PIK3C2G: variants seen among roughly 807,000 people sequenced by gnomAD.
PIK3C2G encodes the protein phosphatidylinositol-4-phosphate 3-kinase catalytic subunit type 2 gamma, also known as phosphatidylinositol 3-kinase C2 domain-containing subunit gamma.
Under a neutral mutation model 181.1 loss-of-function variants are expected in PIK3C2G, and 168 were observed. The ratio of observed to expected loss-of-function variants is 0.93; its 90% CI spans 0.82 to 1.05. The LOEUF (loss-of-function observed/expected upper bound fraction) is 1.05, where lower values mean the gene tolerates loss of function less well. Ranked by LOEUF, PIK3C2G falls within the 50% of genes least tolerant of loss-of-function variation. The pLI is 0.00. For missense variants in PIK3C2G, 1,869 were observed against 1,732.8 expected (o/e 1.08, Z -1.40); for synonymous variants, 573 against 592.2 (o/e 0.97, Z 0.47).
At chr12:18,699,241 G>C in the PIK3C2G span, among the ~76,000 whole-genome samples, 1 of 152,122 alleles carries the variant, frequency 6.6e-6, no homozygotes, top group Non-Finnish European at 1.5e-5. Flanking sequence ...CATAGGCATA[G>C]AGCCTCCAAG....
chr12:18,719,034 A>G, the PIK3C2G span, among the ~76,000 whole-genome samples: 2 of 152,184 alleles, frequency 1.3e-5, no homozygotes, highest in African/African-American at 4.8e-5. Context: ...GGCTTTAGTT[A>G]TAGTATGTGT....
chr12:18,706,474 G>T, the PIK3C2G span, among the ~76,000 whole-genome samples: 1 of 152,264 alleles, frequency 6.6e-6, no homozygotes, highest in African/African-American at 2.4e-5. Context: ...AAAACTCATT[G>T]TTTTAGAATT....
chr12:18,651,435 T>G (rs1408144990), downstream of PIK3C2G, among the ~76,000 whole-genome samples: 1 of 152,206 alleles, frequency 6.6e-6, no homozygotes, highest in Non-Finnish European at 1.5e-5. Context: ...TATAATTTAC[T>G]TATGTATTTT....
At chr12:18,436,830 G>T (rs1020229682) in intron 18 of PIK3C2G, among the ~76,000 whole-genome samples, 4 of 151,980 alleles carry the variant, frequency 2.6e-5, no homozygotes, top group Admixed American at 6.6e-5. Flanking sequence ...ACAGTATCAA[G>T]TGTTACATTG....
intron 18 of PIK3C2G, among the ~76,000 whole-genome samples, chr12:18,437,806 C>G (rs1453017407): frequency 1.3e-5 from 2 of 151,862 alleles, no homozygotes; most frequent in East Asian, 3.8e-4. Context: ...TAATCAATTA[C>G]TAGATATTAT....
chr12:18,260,356 C>G (rs900558108), upstream of PIK3C2G, among the ~76,000 whole-genome samples: 1 of 152,070 alleles, frequency 6.6e-6, no homozygotes, highest in African/African-American at 2.4e-5. Flanking sequence ...TTAAAGTCAT[C>G]TATCTCCCCA....
In PIK3C2G at chr12:18,581,247, T is replaced by C. The variant is rs78158907; in HGVS notation, c.4012-13247T>C. Among the ~76,000 whole-genome samples the C allele has an allele frequency of 2.1e-3, 323 of 152,326 alleles. 1 individual carries two copies. Among genetic ancestry groups the C allele is most frequent in the African/African-American group, 7.7e-3 (319 of 41,572 alleles). On this transcript the variant is annotated intron_variant, in intron 29 of 32. Transcript: ENST00000538779. ...GGTTTCAAATTTGTTCTTTATTGATTGCACTGTTAAATTTAAAAGCACATT... is the reference window on the plus strand; with the variant it reads ...GGTTTCAAATTTGTTCTTTATTGATCGCACTGTTAAATTTAAAAGCACATT...
chr12:18,701,503 T>A, the PIK3C2G span: 1 of 1,614,104 alleles, frequency 6.2e-7, no homozygotes, highest in Non-Finnish European at 8.5e-7. Context: ...CACCTCACCT[T>A]CTTTTTCTTG....
At chr12:18,279,764 C>A (rs188359237) in intron 1 of PIK3C2G, among the ~76,000 whole-genome samples, 16 of 151,916 alleles carry the variant, frequency 1.1e-4, no homozygotes, top group Admixed American at 2.6e-4. Context: ...AATGATATAG[C>A]TATGTGACTC....
chr12:18,466,677 T>C (rs186232409), intron 18 of PIK3C2G, among the ~76,000 whole-genome samples: 82 of 152,080 alleles, frequency 5.4e-4, no homozygotes, highest in Non-Finnish European at 8.2e-4. Context: ...ACTAGTTGGA[T>C]GGATGATTTA....
At chr12:18,636,576 A>G (rs2136765674) in intron 31 of PIK3C2G, among the ~76,000 whole-genome samples, 1 of 152,286 alleles carries the variant, frequency 6.6e-6, no homozygotes, top group South Asian at 2.1e-4. Flanking sequence ...TTGCCAGGTC[A>G]ATAGCTGCAT....
At chr12:18,455,764 T>A (rs1205878560) in intron 18 of PIK3C2G, among the ~76,000 whole-genome samples, 1 of 152,022 alleles carries the variant, frequency 6.6e-6, no homozygotes, top group Non-Finnish European at 1.5e-5. Context: ...AGTCATGAGA[T>A]CTCCACCTTC....
At chr12:18,310,693 G>C (rs149633666) in intron 5 of PIK3C2G, among the ~76,000 whole-genome samples, 2 of 151,640 alleles carry the variant, frequency 1.3e-5, no homozygotes, top group Admixed American at 6.6e-5. Flanking sequence ...GAATGTCAAG[G>C]CTCTAAAGAT....
chr12:18,711,415 A>G, the PIK3C2G span, among the ~76,000 whole-genome samples: 2 of 147,508 alleles, frequency 1.4e-5, no homozygotes, highest in African/African-American at 2.5e-5. Context: ...GGATAGCATT[A>G]GGAGATATAC....
At chr12:18,568,384 T>TTGTGTGTGTGTGTG (rs56936466) in intron 29 of PIK3C2G, among the ~76,000 whole-genome samples, 1 of 145,744 alleles carries the variant, frequency 6.9e-6, no homozygotes, top group African/African-American at 2.5e-5. Flanking sequence ...ACCAACAAAA[T>TTGTGTGTGTGTGTG]TGTGTGTGTG....
chr12:18,378,644 C>G (rs1942623722), intron 13 of PIK3C2G, among the ~76,000 whole-genome samples: 1 of 152,110 alleles, frequency 6.6e-6, no homozygotes, highest in African/African-American at 2.4e-5. Flanking sequence ...TATCCAGAAT[C>G]TACAAAGAAC....
intron 12 of PIK3C2G, among the ~76,000 whole-genome samples, chr12:18,368,670 GGTATTAGTTAT>G (rs1423859304): frequency 1.3e-5 from 2 of 152,126 alleles, no homozygotes; most frequent in Non-Finnish European, 2.9e-5. Flanking sequence ...CCATCAGTCA[GGTATTAGTTAT>G]GCCTTTTACT....
chr12:18,619,773 A>T (rs1948763206), intron 31 of PIK3C2G, among the ~76,000 whole-genome samples: 1 of 145,528 alleles, frequency 6.9e-6, no homozygotes, highest in African/African-American at 2.6e-5. Flanking sequence ...ATGGAGTCTC[A>T]CTCCATAGTG....
At chr12:18,276,413 T>G (rs1219931174) in intron 1 of PIK3C2G, among the ~76,000 whole-genome samples, 4 of 152,166 alleles carry the variant, frequency 2.6e-5, no homozygotes, top group Non-Finnish European at 5.9e-5. Context: ...ATATTTAAGG[T>G]TGAAAATGTA....
Sources: gnomAD v4.1 joint callset for allele counts (sites outside exome capture counted in the v4.1 genomes callset) on GRCh38, gnomAD v4.1.1 for gene constraint, MANE v1.5 for transcripts, NCBI Gene and HGNC (gene_info 2026-07-23, HGNC 2026-07-21) for gene names.